CRYZL1: variants seen among roughly 807,000 people sequenced by gnomAD.
CRYZL1 encodes the protein crystallin zeta like 1.
A neutral mutation model predicts 50.6 loss-of-function variants in CRYZL1; 34 were observed. That is an observed-to-expected ratio of 0.67 (90% confidence interval 0.51 to 0.89). CRYZL1 has a LOEUF of 0.89. Among genes scored for constraint, CRYZL1 ranks in the 40% least tolerant of loss-of-function variants. The pLI is 0.00. For synonymous variants in CRYZL1, 125 were observed against 134.3 expected (o/e 0.93, Z 0.48); for missense variants, 354 against 402.3 (o/e 0.88, Z 1.03).
chr21:33,624,639 A>C (rs768068825), intron 3 of CRYZL1, 44 bp downstream of exon 3: 1 of 1,603,358 alleles, frequency 6.2e-7, no homozygotes. Context: ...AAATACACTA[A>C]GAAACTCTCA....
rs77053739 is a variant in CRYZL1 at position 33,589,785 on chromosome 21, A to C, written c.*37T>G. ...GAAAATTCTGGCTTCAAATACTGGA[A>C]TATGTTCATCCGACTGAGGTCTGAG... On this transcript the variant is annotated 3_prime_UTR_variant, in exon 13 of 13. Coordinates refer to ENST00000381554, the MANE Select transcript of CRYZL1 (RefSeq NM_145858.3). 10 of 1,298,204 alleles carry C rather than the reference A, an allele frequency of 7.7e-6. No homozygotes were observed. In the East Asian group the frequency reaches 2.1e-4, roughly 27 times the overall value. The allele number at this position is 1,298,204 out of a possible 1,614,324, so 80.4% of individuals were successfully genotyped here. A position where few individuals can be genotyped will look rare whatever the true frequency, so the allele number is the denominator to read the frequency against.
chr21:33,621,925 A>C (rs1173299161), intron 4 of CRYZL1, 71 bp downstream of exon 4: 11 of 991,774 alleles, frequency 1.1e-5, no homozygotes, highest in Non-Finnish European at 1.7e-5. Context: ...ATGTACCAGT[A>C]AACCAATTAG....
chr21:33,639,988 G>T, intron 1 of CRYZL1: 1 of 538,312 alleles, frequency 1.9e-6, no homozygotes, highest in South Asian at 2.3e-5. Flanking sequence ...ACCATGCCCG[G>T]CTAATTTCTG....
chr21:33,595,541 G>A (rs1382563627), intron 11 of CRYZL1, 190 bp downstream of exon 11: 2 of 1,252,100 alleles, frequency 1.6e-6, no homozygotes, highest in South Asian at 1.3e-5. Context: ...GTGAAATGGG[G>A]ATGATAACAG....
intron 12 of CRYZL1, 89 bp downstream of exon 12, chr21:33,591,073 G>A (rs528047739): frequency 1.7e-5 from 15 of 898,966 alleles, no homozygotes; most frequent in Non-Finnish European, 2.4e-5. Flanking sequence ...GGTACATGGC[G>A]AGAGCTAAAA....
intron 4 of CRYZL1, among the ~76,000 whole-genome samples, chr21:33,617,797 TAA>T (rs1340814075): frequency 1.3e-5 from 2 of 152,194 alleles, no homozygotes; most frequent in Admixed American, 6.5e-5. Flanking sequence ...GGTCGATCTT[TAA>T]CCAGGCCCAG....
At chr21:33,632,289 G>A (rs1014002256) in intron 1 of CRYZL1, among the ~76,000 whole-genome samples, 11 of 151,842 alleles carry the variant, frequency 7.2e-5, no homozygotes, top group Non-Finnish European at 1.5e-4. Context: ...CCGAGATCGC[G>A]CCATTGCACT....
chr21:33,640,216 A>T, intron 1 of CRYZL1: 1 of 1,547,024 alleles, frequency 6.5e-7, no homozygotes, highest in Non-Finnish European at 8.7e-7. Context: ...TTAATCTTAG[A>T]AATATTTCAT....
chr21:33,618,164 CTATAGT>C (rs1436582988), intron 4 of CRYZL1, among the ~76,000 whole-genome samples: 1 of 151,734 alleles, frequency 6.6e-6, no homozygotes, highest in Non-Finnish European at 1.5e-5. Flanking sequence ...TGGTGGGTGC[CTATAGT>C]CCCAGCTACT....
At position 33,602,314 on chromosome 21, in the gene CRYZL1, T is replaced by C; in HGVS notation, c.497A>G (p.His166Arg). Residue 166 changes from histidine to arginine, a missense_variant, in exon 8 of 13, where the codon CAT becomes CGT. Physicochemically the swap from His to Arg is conservative, Grantham distance 29. Transcript: ENST00000381554. The stretch of plus-strand genomic sequence containing the variant: ...TGAAATCACTTTGGCTCCTCTATGA[T>C]GTGCTAACTGAATAGCTATTGTACC... ...AFGTIAIQLAHHRGAKVISTA... is the reference protein window; with the variant it reads ...AFGTIAIQLARHRGAKVISTA... 1 of 1,610,206 alleles carries C rather than the reference T, an allele frequency of 6.2e-7. No homozygotes were observed. The highest frequency in any genetic ancestry group is 8.5e-7 in the Non-Finnish European group (1 of 1,176,396).
chr21:33,616,770 A>C lies in CRYZL1; in HGVS notation c.218-20T>G. ...TTCCAACTAAAGAGTGAAGAAAATTAATAGTTAATATTACAAGTTTATTAA... is the reference window on the plus strand; with the variant it reads ...TTCCAACTAAAGAGTGAAGAAAATTCATAGTTAATATTACAAGTTTATTAA... On this transcript the variant is annotated intron_variant, in intron 4 of 12. Transcript: ENST00000381554. The C allele has an allele frequency of 6.4e-7, 1 of 1,561,434 alleles. No individual in the cohort carries two copies. Among genetic ancestry groups the C allele is most frequent in the Non-Finnish European group, 8.7e-7 (1 of 1,145,550 alleles).
intron 1 of CRYZL1, among the ~76,000 whole-genome samples, chr21:33,632,498 C>A (rs1396811592): frequency 3.3e-5 from 5 of 151,838 alleles, no homozygotes; most frequent in African/African-American, 1.2e-4. Flanking sequence ...CTGCCTCAGC[C>A]CCCCTAGTAG....
chr21:33,603,678 C>T (rs1233041397), intron 6 of CRYZL1, 141 bp from the exon 7 acceptor site: 1 of 806,692 alleles, frequency 1.2e-6, no homozygotes, highest in Non-Finnish European at 1.9e-6. Flanking sequence ...ACAATACTTT[C>T]CATTATTTGC....
rs752508118 is a variant in CRYZL1, at chr21:33,591,175, T to C, written c.937A>G (p.Thr313Ala). Residue 313 changes from threonine to alanine, a missense_variant, in exon 12 of 13, where the codon ACT (threonine) becomes GCT (alanine). Thr to Ala is a moderately conservative substitution (Grantham distance 58). Coordinates refer to ENST00000381554, the MANE Select transcript of CRYZL1 (RefSeq NM_145858.3). ...ACTTTAGCGTACCTGAAAACACCAG[T>C]TGATAACTTCTCCATCACATCCTTT... ...ILKDVMEKLS[T>A]GVFRPQLDEP... The C allele has an allele frequency of 1.2e-6, 2 of 1,610,052 alleles. No individual in the cohort carries two copies. The highest frequency in any genetic ancestry group is 1.3e-5 in the African/African-American group (1 of 74,858).
chr21:33,608,655 C>G (rs2086838682), intron 6 of CRYZL1, among the ~76,000 whole-genome samples: 1 of 152,196 alleles, frequency 6.6e-6, no homozygotes, highest in South Asian at 2.1e-4. Context: ...TTATTTCACT[C>G]AGCATAGTGC....
At chr21:33,613,363 T>C (rs1275841737) in intron 6 of CRYZL1, among the ~76,000 whole-genome samples, 175 bp downstream of exon 6, 3 of 152,240 alleles carry the variant, frequency 2.0e-5, no homozygotes, top group Non-Finnish European at 2.9e-5. Context: ...TGAATACTAA[T>C]TATAAGCTAG....
At chr21:33,638,255 C>T (rs2087233971) in intron 1 of CRYZL1, among the ~76,000 whole-genome samples, 1 of 150,218 alleles carries the variant, frequency 6.7e-6, no homozygotes, top group Admixed American at 6.6e-5. Flanking sequence ...CTCTGTCACC[C>T]AGGCTGGAGT....
intron 6 of CRYZL1, among the ~76,000 whole-genome samples, chr21:33,605,892 A>T (rs1488444938): frequency 6.6e-6 from 1 of 152,066 alleles, no homozygotes; most frequent in Non-Finnish European, 1.5e-5. Flanking sequence ...CAGCTCTTTG[A>T]AATGCTTCCT....
chr21:33,632,889 G>A (rs542562043), intron 1 of CRYZL1, among the ~76,000 whole-genome samples: 1 of 152,306 alleles, frequency 6.6e-6, no homozygotes, highest in South Asian at 2.1e-4. Flanking sequence ...ACCTCCAGAA[G>A]TTCCCTGTGT....
Sources: gnomAD v4.1 joint callset for allele counts (sites outside exome capture counted in the v4.1 genomes callset) on GRCh38, gnomAD v4.1.1 for gene constraint, MANE v1.5 for transcripts, NCBI Gene and HGNC (gene_info 2026-07-23, HGNC 2026-07-21) for gene names.